CACNA1E: variants seen among roughly 807,000 people sequenced by gnomAD.
CACNA1E encodes the protein voltage-dependent R-type calcium channel subunit alpha-1E.
A neutral mutation model predicts 259.2 loss-of-function variants in CACNA1E; 40 were observed. The ratio of observed to expected loss-of-function variants is 0.15; its 90% confidence interval spans 0.12 to 0.20. The LOEUF (loss-of-function observed/expected upper bound fraction) is 0.20, where lower values mean the gene tolerates loss of function less well. Ranked by LOEUF, CACNA1E falls within the 10% of genes least tolerant of loss-of-function variation. The pLI is 1.00. For synonymous variants in CACNA1E, 1,104 were observed against 1,138.5 expected, an observed-to-expected ratio of 0.97 and a Z score of 0.61; for missense variants, 1,874 against 3,040.1, an observed-to-expected ratio of 0.62 and a Z score of 9.02.
At chr1:181,773,847 G>A (rs981776164) in intron 37 of CACNA1E, among the ~76,000 whole-genome samples, 1 of 152,198 alleles carries the variant, frequency 6.6e-6, no homozygotes, top group Admixed American at 6.5e-5. Flanking sequence ...GGACCTTAAA[G>A]GTACTTTTGG....
At chr1:181,369,370 T>G (rs1310351986) in intron 1 of CACNA1E, among the ~76,000 whole-genome samples, 2 of 152,234 alleles carry the variant, frequency 1.3e-5, no homozygotes, top group East Asian at 3.8e-4. Flanking sequence ...AACGAATGTC[T>G]GTGGTGTCAC....
intron 6 of CACNA1E, among the ~76,000 whole-genome samples, chr1:181,600,750 C>T (rs542181279): frequency 2.0e-5 from 3 of 152,196 alleles, no homozygotes. Context: ...TGAGATAGCC[C>T]AGTTAGAGAT....
chr1:181,773,432 T>C (rs1659698853), intron 37 of CACNA1E, among the ~76,000 whole-genome samples: 2 of 152,252 alleles, frequency 1.3e-5, no homozygotes, highest in African/African-American at 2.4e-5. Context: ...AACTGATCCA[T>C]GTGTTTTAAT....
At chr1:181,772,291 C>G (rs1659585261) in intron 37 of CACNA1E, 60 bp downstream of exon 37, 1 of 1,519,762 alleles carries the variant, frequency 6.6e-7, no homozygotes, top group Admixed American at 1.8e-5. Flanking sequence ...CCCTAACCCT[C>G]TGATACATAG....
chr1:181,653,953 A>G (rs182667952), intron 7 of CACNA1E, among the ~76,000 whole-genome samples: 4 of 152,338 alleles, frequency 2.6e-5, no homozygotes, highest in South Asian at 4.1e-4. Flanking sequence ...CCGTGCTTTT[A>G]AATATGAACA....
chr1:181,413,659 C>A (rs1171839824), intron 2 of CACNA1E: 1 of 152,834 alleles, frequency 6.5e-6, no homozygotes, highest in Non-Finnish European at 1.5e-5. Context: ...CGGATGGGCC[C>A]CGTGAGGCCG....
intron 2 of CACNA1E, among the ~76,000 whole-genome samples, chr1:181,429,003 G>A (rs1434681580): frequency 6.6e-6 from 1 of 152,028 alleles, no homozygotes; most frequent in Non-Finnish European, 1.5e-5. Flanking sequence ...CCAATATGGT[G>A]AAACCCCATC....
At chr1:181,501,642 C>T (rs1665256839) in intron 1 of CACNA1E, among the ~76,000 whole-genome samples, 1 of 152,028 alleles carries the variant, frequency 6.6e-6, no homozygotes, top group Non-Finnish European at 1.5e-5. Flanking sequence ...CTCAATATTG[C>T]TTTATTTGTC....
chr1:181,647,473 C>T (rs1658380581), intron 6 of CACNA1E, among the ~76,000 whole-genome samples: 1 of 152,210 alleles, frequency 6.6e-6, no homozygotes, highest in Admixed American at 6.5e-5. Flanking sequence ...ACCCTCCTCT[C>T]TTGCACCTCC....
chr1:181,325,775 T>C (rs1451875245), intron 1 of CACNA1E, among the ~76,000 whole-genome samples: 1 of 152,190 alleles, frequency 6.6e-6, no homozygotes, highest in Non-Finnish European at 1.5e-5. Flanking sequence ...CCACTGTCCA[T>C]CCGGAATTAA....
rs187019415 is a variant in CACNA1E, at chr1:181,414,867, C to G, written c.434+1287C>G. 1.1e-4 allele frequency among the ~76,000 whole-genome samples: 17 copies of G among 152,354 alleles called. No homozygotes were observed. The East Asian group carries it at 2.7e-3, about 24-fold the overall frequency. On this transcript the variant is annotated intron_variant, in intron 2 of 11. Coordinates refer to the CACNA1E transcript ENST00000524607. Reference sequence around the variant, plus strand: ...ATCCATGCCTTTAACCATGATGGCACAGTGCCTTTCATTCTAACTCTCAAA... The same window carrying G: ...ATCCATGCCTTTAACCATGATGGCAGAGTGCCTTTCATTCTAACTCTCAAA...
intron 1 of CACNA1E, among the ~76,000 whole-genome samples, chr1:181,359,428 G>A (rs921306679): frequency 6.6e-6 from 1 of 152,142 alleles, no homozygotes; most frequent in South Asian, 2.1e-4. Context: ...AACAGCGTGG[G>A]CAAAACCACA....
chr1:181,637,116 C>G (rs188115950), intron 6 of CACNA1E, among the ~76,000 whole-genome samples: 1 of 152,340 alleles, frequency 6.6e-6, no homozygotes, highest in African/African-American at 2.4e-5. Flanking sequence ...TTTTCTGTCT[C>G]TTAGACCCAG....
At chr1:181,785,584 A>G in intron 42 of CACNA1E, 129 bp from the exon 43 acceptor site, 2 of 877,438 alleles carry the variant, frequency 2.3e-6, no homozygotes, top group Admixed American at 3.8e-5. Context: ...AACCCAGTGG[A>G]TCGAAGGTTA....
rs1572683126 is a variant in CACNA1E, at chr1:181,715,464, A to G, written c.1225+73A>G. The G allele has an allele frequency of 3.7e-6, 3 of 815,246 alleles. No individual in the cohort carries two copies. The East Asian group carries it at 7.8e-5, about 21-fold the overall frequency. The allele number at this position is 815,246 out of a possible 1,614,324, so 50.5% of individuals were successfully genotyped here. A position where few individuals can be genotyped will look rare whatever the true frequency, so the allele number is the denominator to read the frequency against. ...AGGCGATGGCAATCTCTGTTATTCA[A>G]AAGGAGAGAAAGAAATGAAAGATGG... On this transcript the variant is annotated intron_variant, in intron 9 of 47. Transcript: ENST00000367573.
chr1:181,597,409 T>C (rs1460721565), intron 6 of CACNA1E, among the ~76,000 whole-genome samples: 1 of 152,210 alleles, frequency 6.6e-6, no homozygotes. Context: ...TTTTTTGTGT[T>C]TCGCATTGTG....
chr1:181,651,424 C>T lies in CACNA1E; in HGVS notation c.1038C>T (p.Val346=). Reference sequence around the variant, plus strand: ...GATCCTTCTTTGTTCTCAACCTAGTCCTGGGAGTGCTTTCCGGGTGAGCCA... The same window carrying T: ...GATCCTTCTTTGTTCTCAACCTAGTTCTGGGAGTGCTTTCCGGGTGAGCCA... The part of the protein sequence containing the change: ...IIGSFFVLNL[V]LGVLSGEFAK... The change falls in exon 7 of 48, where the codon GTC becomes GTT. Residue 346 remains valine, a synonymous_variant. Transcript: ENST00000367573. 1.2e-6 allele frequency: 2 copies of T among 1,612,940 alleles called. No individual in the cohort carries two copies. Among genetic ancestry groups the T allele is most frequent in the Non-Finnish European group, 1.7e-6 (2 of 1,178,970 alleles).
chr1:181,496,486 TGCTTAG>T (rs1419094244), intron 1 of CACNA1E, among the ~76,000 whole-genome samples: 1 of 152,192 alleles, frequency 6.6e-6, no homozygotes, highest in Non-Finnish European at 1.5e-5. Flanking sequence ...ACTTCCTATC[TGCTTAG>T]GCTTCTTGGG....
At chr1:181,426,917 A>AC (rs1659309973) in intron 2 of CACNA1E, among the ~76,000 whole-genome samples, 1 of 66,012 alleles carries the variant, frequency 1.5e-5, no homozygotes, top group Non-Finnish European at 3.2e-5. Flanking sequence ...TCCCATCTCA[A>AC]CCCTTCACAG....
Sources: gnomAD v4.1 joint callset for allele counts (sites outside exome capture counted in the v4.1 genomes callset) on GRCh38, gnomAD v4.1.1 for gene constraint, MANE v1.5 for transcripts, NCBI Gene and HGNC (gene_info 2026-07-23, HGNC 2026-07-21) for gene names.